The following PARD3B variants were observed in gnomAD, a reference collection of about 807,000 sequenced individuals.
The protein encoded by PARD3B is partitioning defective 3 homolog B.
PARD3B carries 103 observed loss-of-function variants against 130.2 expected under a neutral mutation model. That is an observed-to-expected ratio of 0.79 (90% CI 0.67 to 0.93). The LOEUF (loss-of-function observed/expected upper bound fraction) is 0.93, where lower values mean the gene tolerates loss of function less well. Among genes scored for constraint, PARD3B ranks in the 40% least tolerant of loss-of-function variants. PARD3B has a pLI of 0.00. For synonymous variants in PARD3B, 583 were observed against 553.2 expected (o/e 1.05, Z -0.76); for missense variants, 1,609 against 1,499.2 (o/e 1.07, Z -1.21).
chr2:204,775,086 C>G (rs551524477), intron 2 of PARD3B, among the ~76,000 whole-genome samples: 16 of 152,080 alleles, frequency 1.1e-4, no homozygotes, highest in African/African-American at 3.6e-4. Flanking sequence ...TTTCCACAAG[C>G]CTGAGGTTCT....
chr2:204,842,671 G>T (rs918631978), intron 2 of PARD3B, among the ~76,000 whole-genome samples: 2 of 152,142 alleles, frequency 1.3e-5, no homozygotes, highest in Non-Finnish European at 2.9e-5. Flanking sequence ...GAATTGCTGA[G>T]CAAATGTCTG....
In PARD3B at chr2:205,550,804, A is replaced by G. The variant is rs1028279477; in HGVS notation, c.3181-2520A>G. On this transcript the variant is annotated intron_variant, in intron 21 of 22. Coordinates refer to ENST00000406610, the MANE Select transcript of PARD3B (RefSeq NM_001302769.2). This position sits in a 1 kb window ranked among gnomAD's most constrained non-coding sequence, Gnocchi z 4.5. ...TACATGCAAATATACAAATATATGC[A>G]TATTTATATGTATATATGTATATTT... 4.7e-4 allele frequency among the ~76,000 whole-genome samples: 71 copies of G among 149,722 alleles called. No individual in the cohort carries two copies. The highest frequency in any genetic ancestry group is 9.0e-4 in the Non-Finnish European group (61 of 67,608).
intron 7 of PARD3B, among the ~76,000 whole-genome samples, chr2:205,120,831 G>A (rs915936409): frequency 1.3e-5 from 2 of 152,134 alleles, no homozygotes; most frequent in African/African-American, 4.8e-5. Flanking sequence ...TTCCTTTAAC[G>A]CCTTCATTTA....
In PARD3B at chr2:205,321,633, A is replaced by G. The variant is rs2042756612; in HGVS notation, c.2630+19932A>G. Among the ~76,000 whole-genome samples the G allele has an allele frequency of 6.6e-6, 1 of 152,220 alleles. No individual in the cohort carries two copies. Among genetic ancestry groups the G allele is most frequent in the African/African-American group, 2.4e-5 (1 of 41,456 alleles). On this transcript the variant is annotated intron_variant, in intron 18 of 22. Coordinates refer to ENST00000406610, the MANE Select transcript of PARD3B (RefSeq NM_001302769.2). The surrounding 1 kb of genome is among the most constrained non-coding windows in gnomAD (Gnocchi z 4.2). ...GCTAGGACTATCACTGTATCATTTT[A>G]TTATACTTTTGAGATAAGTCAAGAG...
At chr2:204,728,695 A>G (rs1356798838) in intron 2 of PARD3B, among the ~76,000 whole-genome samples, 1 of 152,326 alleles carries the variant, frequency 6.6e-6, no homozygotes, top group East Asian at 1.9e-4. Flanking sequence ...TCAAATGGGA[A>G]AATCATTTTA....
intron 2 of PARD3B, among the ~76,000 whole-genome samples, chr2:204,877,081 A>G (rs2045875064): frequency 6.6e-6 from 1 of 152,166 alleles, no homozygotes. Context: ...TGATGAGTTC[A>G]TGTCCTTTGT....
At chr2:204,984,591 G>A (rs1357343533) in intron 3 of PARD3B, among the ~76,000 whole-genome samples, 1 of 152,098 alleles carries the variant, frequency 6.6e-6, no homozygotes, top group Non-Finnish European at 1.5e-5. Context: ...TTGGATGTGT[G>A]AGTTGTCAGT....
intron 20 of PARD3B, among the ~76,000 whole-genome samples, chr2:205,451,853 G>A (rs998737647): frequency 3.3e-5 from 5 of 152,054 alleles, no homozygotes; most frequent in African/African-American, 1.2e-4. Flanking sequence ...ATTTTTAAAT[G>A]TACAATTAAA....
chr2:205,026,661 CT>C (rs1226249702), intron 3 of PARD3B, among the ~76,000 whole-genome samples: 1 of 152,138 alleles, frequency 6.6e-6, no homozygotes, highest in Non-Finnish European at 1.5e-5. Context: ...GGTTTATACC[CT>C]TTGACCAACT....
intron 1 of PARD3B, among the ~76,000 whole-genome samples, chr2:204,685,255 T>C (rs2125241696): frequency 6.6e-6 from 1 of 152,262 alleles, no homozygotes. Context: ...AAGTGTATTA[T>C]AGCTCAAAAG....
chr2:205,306,758 C>T (rs542463058), intron 18 of PARD3B, among the ~76,000 whole-genome samples: 3 of 152,284 alleles, frequency 2.0e-5, no homozygotes, highest in African/African-American at 7.2e-5. Context: ...TAGCCTTTTG[C>T]ATCTGAGTTT....
chr2:204,972,214 T>C, intron 3 of PARD3B, among the ~76,000 whole-genome samples: 1 of 152,180 alleles, frequency 6.6e-6, no homozygotes, highest in East Asian at 1.9e-4. Flanking sequence ...TGAATATGCC[T>C]GGCATTACCT....
intron 18 of PARD3B, among the ~76,000 whole-genome samples, chr2:205,319,508 G>A (rs2042676366): frequency 6.6e-6 from 1 of 152,148 alleles, no homozygotes; most frequent in Admixed American, 6.5e-5. Flanking sequence ...TTACTGCTAT[G>A]GTCTGTGTAG....
intron 15 of PARD3B, among the ~76,000 whole-genome samples, chr2:205,194,446 C>G (rs1225124508): frequency 1.3e-5 from 2 of 152,154 alleles, no homozygotes; most frequent in Admixed American, 1.3e-4. Context: ...AAGCGTGAAC[C>G]TTTGACAAAC....
At chr2:205,449,082 C>T (rs1356967367) in intron 20 of PARD3B, among the ~76,000 whole-genome samples, 1 of 147,396 alleles carries the variant, frequency 6.8e-6, no homozygotes, top group Non-Finnish European at 1.5e-5. Context: ...AGGAGAATCA[C>T]TTGAACCCGG....
intron 2 of PARD3B, among the ~76,000 whole-genome samples, chr2:204,957,384 T>C (rs1361507354): frequency 1.3e-5 from 2 of 152,218 alleles, no homozygotes; most frequent in African/African-American, 4.8e-5. Flanking sequence ...TCAGTACAGT[T>C]GAATAAGTCA....
rs1249303424 is a variant in PARD3B, at chr2:205,082,980, C to T, written c.505-21446C>T. On this transcript the variant is annotated intron_variant, in intron 4 of 22. Transcript: ENST00000406610. Reference sequence around the variant, plus strand: ...TATCGCCCAGGCTGGAGTGCAGTGACGTGATCTCGGCTCACTGCAACCTCT... The same window carrying T: ...TATCGCCCAGGCTGGAGTGCAGTGATGTGATCTCGGCTCACTGCAACCTCT... Among the ~76,000 whole-genome samples, 15 of 148,006 alleles carry T rather than the reference C, an allele frequency of 1.0e-4. No homozygotes were observed. The South Asian group carries it at 1.9e-3, about 19-fold the overall frequency.
chr2:204,707,352 A>T lies in PARD3B; in HGVS notation c.222+21070A>T, dbSNP rs191767917. Among the ~76,000 whole-genome samples the T allele has an allele frequency of 2.7e-3, 407 of 152,338 alleles. 1 individual carries two copies. Among genetic ancestry groups the T allele is most frequent in the African/African-American group, 9.6e-3 (400 of 41,576 alleles). On this transcript the variant is annotated intron_variant, in intron 2 of 22. Transcript: ENST00000406610. ...CTTTAAGATCCAAGGGTTAAGCAAG[A>T]TATGGAGTTGCTGATGTTTTTAGGA...
chr2:205,310,719 CTTTTTTTTTTTTT>C (rs34032930), intron 18 of PARD3B, among the ~76,000 whole-genome samples: 3 of 82,590 alleles, frequency 3.6e-5, no homozygotes, highest in Admixed American at 3.6e-4. Context: ...TTCTTTCTTT[CTTTTTTTTTTTTT>C]TTTTTTTTTG....
Sources: gnomAD v4.1 joint callset for allele counts (sites outside exome capture counted in the v4.1 genomes callset) on GRCh38, gnomAD v4.1.1 for gene constraint, Gnocchi (gnomAD v3.1) non-coding constraint, MANE v1.5 for transcripts, NCBI Gene and HGNC (gene_info 2026-07-23, HGNC 2026-07-21) for gene names.